FHIP2A: variants seen among roughly 807,000 people sequenced by gnomAD.
The protein encoded by FHIP2A is FHF complex subunit HOOK interacting protein 2A, also known as family with sequence similarity 160 member B1.
A neutral mutation model predicts 93.5 loss-of-function variants in FHIP2A; 46 were observed. The observed-to-expected ratio is 0.49, with a 90% CI of 0.39 to 0.63. The LOEUF is 0.63. FHIP2A is among the 20% of genes least tolerant of loss of function. The probability of loss-of-function intolerance (pLI) is 0.00; values close to 1 mark genes in which losing one functional copy is unlikely to be tolerated. For synonymous variants in FHIP2A, 332 were observed against 326.5 expected, an observed-to-expected ratio of 1.02 and a Z score of -0.18; for missense variants, 769 against 909.7, an observed-to-expected ratio of 0.85 and a Z score of 1.99.
downstream of FHIP2A, among the ~76,000 whole-genome samples, chr10:114,868,490 G>A (rs1042706696): frequency 1.3e-5 from 2 of 152,082 alleles, no homozygotes; most frequent in East Asian, 3.8e-4. Flanking sequence ...CAAAGAGGTT[G>A]GGGACCACTG....
intron 16 of FHIP2A, among the ~76,000 whole-genome samples, chr10:114,888,225 G>A (rs1272128678): frequency 2.6e-5 from 4 of 152,180 alleles, no homozygotes; most frequent in Non-Finnish European, 5.9e-5. Context: ...AGCATTCCTT[G>A]TTGGTTTCTA....
intron 16 of FHIP2A, among the ~76,000 whole-genome samples, chr10:114,881,743 T>C (rs917753006): frequency 2.6e-5 from 4 of 152,176 alleles, no homozygotes; most frequent in Non-Finnish European, 4.4e-5. Flanking sequence ...ATTTCAAGGA[T>C]AGCTAGCTCA....
At chr10:114,828,690 A>C (rs1044713254) in intron 1 of FHIP2A, among the ~76,000 whole-genome samples, 22 of 152,024 alleles carry the variant, frequency 1.4e-4, no homozygotes, top group African/African-American at 5.3e-4. Flanking sequence ...TTGATTCTTA[A>C]TTTTCTTCCT....
At position 114,860,582 on chromosome 10, in the gene FHIP2A, C is replaced by A. The variant is rs560938781; in HGVS notation, c.1948-167C>A. On this transcript the variant is annotated intron_variant, in intron 14 of 16. Coordinates refer to ENST00000369248, the MANE Select transcript of FHIP2A (RefSeq NM_020940.4). ...GGTCAGGCTGGTCTCGAACTCCCAACCTCAGGTGATCCGCCCGCCTCAGCC... is the reference window on the plus strand; with the variant it reads ...GGTCAGGCTGGTCTCGAACTCCCAAACTCAGGTGATCCGCCCGCCTCAGCC... 1.8e-4 allele frequency among the ~76,000 whole-genome samples: 27 copies of A among 152,224 alleles called. 1 individual carries two copies. The East Asian group carries it at 5.0e-3, about 28-fold the overall frequency.
chr10:114,860,135 T>G (rs569467899), intron 14 of FHIP2A, among the ~76,000 whole-genome samples: 1 of 152,348 alleles, frequency 6.6e-6, no homozygotes, highest in South Asian at 2.1e-4. Context: ...GGTGCTTTTT[T>G]ATGACCCCTT....
chr10:114,854,001 A>T (rs1383165402), intron 13 of FHIP2A, among the ~76,000 whole-genome samples: 1 of 152,192 alleles, frequency 6.6e-6, no homozygotes, highest in African/African-American at 2.4e-5. Flanking sequence ...CAGTGCTTTA[A>T]ATTTCTTTTG....
At chr10:114,849,782 C>T (rs1404281678) in intron 13 of FHIP2A, among the ~76,000 whole-genome samples, 1 of 152,176 alleles carries the variant, frequency 6.6e-6, no homozygotes, top group East Asian at 1.9e-4. Flanking sequence ...CTCCTCCCCG[C>T]CAACCCCCAG....
chr10:114,842,251 GACATGATCTCACTA>G (rs1272042825), intron 5 of FHIP2A, among the ~76,000 whole-genome samples: 1 of 151,934 alleles, frequency 6.6e-6, no homozygotes, highest in Non-Finnish European at 1.5e-5. Flanking sequence ...TTTTAGTAGA[GACATGATCTCACTA>G]TGTTGCCCCA....
At chr10:114,875,189 G>A (rs896321588) in intron 16 of FHIP2A, among the ~76,000 whole-genome samples, 5 of 152,050 alleles carry the variant, frequency 3.3e-5, no homozygotes, top group Non-Finnish European at 7.4e-5. Context: ...CTGTGCTGCA[G>A]AAGGACTGCT....
chr10:114,875,177 T>C (rs984507613), intron 16 of FHIP2A, among the ~76,000 whole-genome samples: 2 of 152,174 alleles, frequency 1.3e-5, no homozygotes, highest in African/African-American at 4.8e-5. Context: ...GCGGAGGCAG[T>C]GCTGTGCTGC....
chr10:114,850,990 T>C lies in FHIP2A; in HGVS notation c.1803+2253T>C, dbSNP rs540035983. On this transcript the variant is annotated intron_variant, in intron 13 of 16. Coordinates refer to ENST00000369248, the MANE Select transcript of FHIP2A (RefSeq NM_020940.4). ...ATGCAGTGGCATGATCTCGGCTCAC[T>C]GCAACCTCCGCCTCCTGGGTTCAAG... Among the ~76,000 whole-genome samples, 18 of 152,298 alleles carry C rather than the reference T, an allele frequency of 1.2e-4. 1 individual carries two copies. The highest frequency in any genetic ancestry group is 4.3e-4 in the African/African-American group (18 of 41,576).
At chr10:114,894,826 T>C (rs1191721217) in intron 16 of FHIP2A, among the ~76,000 whole-genome samples, 3 of 152,198 alleles carry the variant, frequency 2.0e-5, no homozygotes, top group Non-Finnish European at 2.9e-5. Flanking sequence ...GAGTGTGTAG[T>C]AGAAAGTGAA....
At chr10:114,891,028 C>T (rs1177377447) in intron 16 of FHIP2A, among the ~76,000 whole-genome samples, 7 of 151,240 alleles carry the variant, frequency 4.6e-5, no homozygotes, top group Non-Finnish European at 8.8e-5. Context: ...CCCGTCTCTA[C>T]AAAAAAATTT....
At chr10:114,899,619 TG>T (rs1445184011) in exon 17 of FHIP2A, 5 of 697,708 alleles carry the variant, frequency 7.2e-6, no homozygotes, top group African/African-American at 7.2e-5. Flanking sequence ...TGCCCACCCT[TG>T]AACCAATCCT....
intron 16 of FHIP2A, among the ~76,000 whole-genome samples, chr10:114,889,213 CAAAT>C (rs2083958194): frequency 6.6e-6 from 1 of 151,834 alleles, no homozygotes; most frequent in African/African-American, 2.4e-5. Flanking sequence ...AAATTTAGGA[CAAAT>C]AGTTTGGAGA....
chr10:114,889,799 G>C (rs1186041310), intron 16 of FHIP2A, among the ~76,000 whole-genome samples: 1 of 152,188 alleles, frequency 6.6e-6, no homozygotes, highest in South Asian at 2.1e-4. Flanking sequence ...TTGCTCCTCT[G>C]GTGGATCTTC....
chr10:114,832,878 A>AT (rs1245229545), intron 2 of FHIP2A, among the ~76,000 whole-genome samples: 3 of 151,778 alleles, frequency 2.0e-5, no homozygotes, highest in African/African-American at 7.3e-5. Flanking sequence ...CACACGGCTA[A>AT]TTTTTTTGTA....
intron 12 of FHIP2A, 121 bp downstream of exon 12, chr10:114,847,354 T>A (rs2083707750): frequency 1.2e-6 from 1 of 830,132 alleles, no homozygotes; most frequent in Non-Finnish European, 1.8e-6. Context: ...AGTGGCACGA[T>A]CTCTGCTCAC....
chr10:114,845,950 G>C, intron 8 of FHIP2A, 63 bp from the exon 9 acceptor site: 2 of 1,263,586 alleles, frequency 1.6e-6, no homozygotes, highest in Non-Finnish European at 2.3e-6. Context: ...CTGATTTATT[G>C]ATGTTACAAA....
Sources: gnomAD v4.1 joint callset for allele counts (sites outside exome capture counted in the v4.1 genomes callset) on GRCh38, gnomAD v4.1.1 for gene constraint, MANE v1.5 for transcripts, NCBI Gene and HGNC (gene_info 2026-07-23, HGNC 2026-07-21) for gene names.